Variants in SGCZ observed in about 807,000 individuals in gnomAD.
The protein encoded by SGCZ is zeta-sarcoglycan.
In SGCZ, 40 loss-of-function variants were observed where a neutral mutation model predicts 41.3. That is an observed-to-expected ratio of 0.97 (90% CI 0.75 to 1.26). The LOEUF is 1.26. SGCZ is among the 50% of genes most tolerant of loss of function. SGCZ has a pLI of 0.00. For missense variants in SGCZ, 552 were observed against 369.8 expected (o/e 1.49, Z -4.04); for synonymous variants, 206 against 137.5 (o/e 1.50, Z -3.49).
In SGCZ at chr8:14,853,537, C is replaced by A. The variant is rs373856829; in HGVS notation, c.40-298611G>T. The stretch of plus-strand genomic sequence containing the variant: ...AGGTGACGGGGAGATTCTGAAGTCT[C>A]TTGATAAATTATGCAAACATAATCA... On this transcript the variant is annotated intron_variant, in intron 1 of 7. Transcript: ENST00000382080. The A allele has an allele frequency of 3.6e-4, 188 of 525,968 alleles. 1 individual carries two copies. The highest frequency in any genetic ancestry group is 8.3e-4 in the South Asian group (59 of 71,160). 32.6% of individuals were successfully genotyped at this position (525,968 alleles called of 1,614,324 possible). A position where few individuals can be genotyped will look rare whatever the true frequency, so the allele number is the denominator to read the frequency against.
chr8:14,929,326 C>A (rs1368701973), intron 1 of SGCZ, among the ~76,000 whole-genome samples: 1 of 152,056 alleles, frequency 6.6e-6, no homozygotes, highest in African/African-American at 2.4e-5. Flanking sequence ...CTAGTGTAGA[C>A]ACTCTGTGCT....
At position 14,221,446 on chromosome 8, in the gene SGCZ, T is replaced by C. The variant is rs181974080; in HGVS notation, c.424+16146A>G. Among the ~76,000 whole-genome samples the C allele has an allele frequency of 4.9e-4, 74 of 152,336 alleles. 1 individual carries two copies. The East Asian group carries it at 0.014, about 28-fold the overall frequency. On this transcript the variant is annotated intron_variant, in intron 4 of 7. Transcript: ENST00000382080. ...CATTCCTACCACAGTGCCTGAAATA[T>C]GGTGGCACCCATAAATATCTCTTAA...
chr8:14,490,708 T>C (rs1212365733), intron 2 of SGCZ, among the ~76,000 whole-genome samples: 1 of 152,192 alleles, frequency 6.6e-6, no homozygotes, highest in Non-Finnish European at 1.5e-5. Context: ...TGTTTGACAC[T>C]GATGTACATA....
At chr8:14,773,106 T>C (rs941173518) in intron 1 of SGCZ, among the ~76,000 whole-genome samples, 14 of 152,346 alleles carry the variant, frequency 9.2e-5, no homozygotes, top group Middle Eastern at 6.8e-3. Flanking sequence ...CCTGACTTTT[T>C]AATGATCACC....
intron 3 of SGCZ, among the ~76,000 whole-genome samples, chr8:14,270,752 T>C (rs935601125): frequency 6.6e-6 from 1 of 152,164 alleles, no homozygotes; most frequent in Admixed American, 6.5e-5. Context: ...AACTGCGGTA[T>C]AGTATACATT....
rs183542483 is a variant in SGCZ at position 14,713,084 on chromosome 8, C to G, written c.40-158158G>C. Among the ~76,000 whole-genome samples, 36 of 152,150 alleles carry G rather than the reference C, an allele frequency of 2.4e-4. No homozygotes were observed. The East Asian group carries it at 4.3e-3, about 18-fold the overall frequency. ...TAAGCACAATACAACAGTTCTAAGC[C>G]TATTAAAAAAGTTTCTTGGAAATTT... On this transcript the variant is annotated intron_variant, in intron 1 of 7. Transcript: ENST00000382080.
intron 6 of SGCZ, among the ~76,000 whole-genome samples, chr8:14,104,376 G>A (rs1341971683): frequency 4.0e-5 from 6 of 151,792 alleles, no homozygotes; most frequent in African/African-American, 1.2e-4. Context: ...TGGTGTTTAT[G>A]TATCAAAGTT....
chr8:15,198,350 T>G (rs4831327), intron 1 of SGCZ, among the ~76,000 whole-genome samples: 1 of 151,980 alleles, frequency 6.6e-6, no homozygotes, highest in African/African-American at 2.4e-5. Context: ...AAATTAAAAG[T>G]TTCTCATGAT....
At chr8:14,136,903 C>G (rs1394018750) in intron 5 of SGCZ, among the ~76,000 whole-genome samples, 5 of 152,198 alleles carry the variant, frequency 3.3e-5, no homozygotes, top group African/African-American at 1.2e-4. Context: ...CCCAGAAGGG[C>G]CGACTGACAC....
intron 1 of SGCZ, among the ~76,000 whole-genome samples, chr8:14,579,670 T>G (rs913412241): frequency 3.3e-5 from 5 of 152,240 alleles, no homozygotes; most frequent in Non-Finnish European, 7.3e-5. Context: ...TTCCCTACTA[T>G]TCTCTGCTTT....
At position 14,135,789 on chromosome 8, in the gene SGCZ, A is replaced by C. The variant is rs188266632; in HGVS notation, c.548-27554T>G. On this transcript the variant is annotated intron_variant, in intron 5 of 7. Transcript: ENST00000382080. Reference sequence around the variant, plus strand: ...AACAGAAGAGGATAAAATACTAACTAGTTTTATACTAACTAGTTTTATGAG... The same window carrying C: ...AACAGAAGAGGATAAAATACTAACTCGTTTTATACTAACTAGTTTTATGAG... 1.2e-4 allele frequency among the ~76,000 whole-genome samples: 19 copies of C among 152,338 alleles called. No individual in the cohort carries two copies. In the East Asian group the frequency reaches 3.3e-3, roughly 26 times the overall value.
chr8:15,145,326 T>C (rs2117006072), intron 1 of SGCZ, among the ~76,000 whole-genome samples: 1 of 152,312 alleles, frequency 6.6e-6, no homozygotes, highest in Non-Finnish European at 1.5e-5. Flanking sequence ...TTCAAGGAGC[T>C]CAAGAGTTGT....
At chr8:15,014,891 C>G (rs1465900408) in intron 1 of SGCZ, among the ~76,000 whole-genome samples, 2 of 152,138 alleles carry the variant, frequency 1.3e-5, no homozygotes, top group Non-Finnish European at 2.9e-5. Context: ...ATAAGCTGGC[C>G]CAAGCAGCCT....
intron 1 of SGCZ, among the ~76,000 whole-genome samples, chr8:14,951,743 TCTTAA>T (rs1451127991): frequency 6.6e-6 from 1 of 152,084 alleles, no homozygotes; most frequent in African/African-American, 2.4e-5. Context: ...GAACATGAGA[TCTTAA>T]CTTTAATGTA....
intron 5 of SGCZ, among the ~76,000 whole-genome samples, chr8:14,145,108 G>C (rs1420995467): frequency 6.6e-6 from 1 of 152,202 alleles, no homozygotes; most frequent in Non-Finnish European, 1.5e-5. Context: ...CAATGGCTGA[G>C]AGATACAGAG....
chr8:14,998,847 A>C (rs1476026062), intron 1 of SGCZ, among the ~76,000 whole-genome samples: 1 of 152,190 alleles, frequency 6.6e-6, no homozygotes, highest in African/African-American at 2.4e-5. Context: ...ACCTATTATA[A>C]ATGTCTCTAT....
chr8:14,943,709 T>A (rs1256258883), intron 1 of SGCZ, among the ~76,000 whole-genome samples: 1 of 152,158 alleles, frequency 6.6e-6, no homozygotes, highest in Admixed American at 6.5e-5. Flanking sequence ...ATACGTAGTT[T>A]TTTAATCCTC....
chr8:14,702,731 T>TGATAGATAGATAGATGATAGATA (rs1809179940), intron 1 of SGCZ, among the ~76,000 whole-genome samples: 1 of 91,200 alleles, frequency 1.1e-5, no homozygotes, highest in East Asian at 3.9e-4. Context: ...CTGGCTTCAA[T>TGATAGATAGATAGATGATAGATA]GATAGATAGA....
At chr8:14,781,913 G>A (rs1223684944) in intron 1 of SGCZ, among the ~76,000 whole-genome samples, 1 of 152,080 alleles carries the variant, frequency 6.6e-6, no homozygotes, top group Non-Finnish European at 1.5e-5. Flanking sequence ...AAACAGAATA[G>A]TTGTATGGGT....
Sources: gnomAD v4.1 joint callset for allele counts (sites outside exome capture counted in the v4.1 genomes callset) on GRCh38, gnomAD v4.1.1 for gene constraint, MANE v1.5 for transcripts, NCBI Gene and HGNC (gene_info 2026-07-23, HGNC 2026-07-21) for gene names.